CFAP299: variants seen among roughly 807,000 people sequenced by gnomAD.
The protein encoded by CFAP299 is cilia- and flagella-associated protein 299.
In CFAP299, 21 loss-of-function variants were observed where a neutral mutation model predicts 27.0. The ratio of observed to expected loss-of-function variants is 0.78; its 90% CI spans 0.55 to 1.12. CFAP299 has a LOEUF of 1.12. Among genes scored for constraint, CFAP299 ranks in the 50% most tolerant of loss-of-function variants. The probability of loss-of-function intolerance (pLI) is 0.00; values close to 1 mark genes in which losing one functional copy is unlikely to be tolerated. For missense variants in CFAP299, 310 were observed against 276.6 expected, an observed-to-expected ratio of 1.12 and a Z score of -0.86; for synonymous variants, 104 against 98.1, an observed-to-expected ratio of 1.06 and a Z score of -0.36.
At chr4:80,866,060 TA>T (rs1732715352) in intron 3 of CFAP299, among the ~76,000 whole-genome samples, 80 of 5,434 alleles carry the variant, frequency 0.015, 2 homozygotes, top group African/African-American at 0.089. Flanking sequence ...CTTAAAGTAT[TA>T]TATATATATA....
chr4:80,545,566 A>G (rs899519845), intron 2 of CFAP299, among the ~76,000 whole-genome samples: 1 of 152,204 alleles, frequency 6.6e-6, no homozygotes, highest in Non-Finnish European at 1.5e-5. Context: ...AAAATCCTGA[A>G]CAGACCAATA....
At chr4:80,685,217 A>T (rs927062967) in intron 3 of CFAP299, among the ~76,000 whole-genome samples, 5 of 152,170 alleles carry the variant, frequency 3.3e-5, no homozygotes, top group African/African-American at 1.2e-4. Flanking sequence ...TTCATTACTT[A>T]TTCTAAGAAG....
rs1464880558 is a variant in CFAP299 at position 80,854,493 on chromosome 4, G to A, written c.334-15500G>A. On this transcript the variant is annotated intron_variant, in intron 3 of 5. Transcript: ENST00000358105. ...TGAAAGTAACATGAGATGAAATGAG[G>A]TCAAATGCACAAAAAGAGAGACTGG... Among the ~76,000 whole-genome samples, 4 of 151,620 alleles carry A rather than the reference G, an allele frequency of 2.6e-5. No homozygotes were observed. The East Asian group carries it at 5.8e-4, about 22-fold the overall frequency.
Position 80,800,524 on chromosome 4 carries a change from A to T in CFAP299, c.334-69469A>T, listed in dbSNP as rs28804451. On this transcript the variant is annotated intron_variant, in intron 3 of 5. Transcript: ENST00000358105. ...ATATATTATATAATATATAATATATAATATATTATATAATATATAATATAT... is the reference window on the plus strand; with the variant it reads ...ATATATTATATAATATATAATATATTATATATTATATAATATATAATATAT... Among the ~76,000 whole-genome samples the T allele has an allele frequency of 4.7e-3, 53 of 11,396 alleles. 1 individual carries two copies. The highest frequency in any genetic ancestry group is 0.024 in the East Asian group (3 of 126). The allele number at this position is 11,396 out of a possible 152,430, so 7.5% of individuals were successfully genotyped here.
intron 3 of CFAP299, among the ~76,000 whole-genome samples, chr4:80,820,107 G>C (rs577483920): frequency 6.6e-6 from 1 of 152,070 alleles, no homozygotes. Context: ...ATACTATGTA[G>C]ATTTGTATAT....
chr4:80,450,204 T>G (rs1252598298), intron 2 of CFAP299, among the ~76,000 whole-genome samples: 1 of 152,158 alleles, frequency 6.6e-6, no homozygotes, highest in Non-Finnish European at 1.5e-5. Context: ...CTGCGAACTG[T>G]TAATTTTACC....
At chr4:80,473,789 A>G (rs535845453) in intron 2 of CFAP299, among the ~76,000 whole-genome samples, 1 of 152,088 alleles carries the variant, frequency 6.6e-6, no homozygotes, top group African/African-American at 2.4e-5. Context: ...ACAGGATCTC[A>G]CTGTGTTTTC....
chr4:80,392,666 G>A (rs55912262), intron 2 of CFAP299, among the ~76,000 whole-genome samples: 34,311 of 151,930 alleles, frequency 0.23, 3,998 homozygotes, highest in South Asian at 0.3. Flanking sequence ...GCCACGCTGA[G>A]CTGTGAGTCA....
At chr4:80,686,849 T>G (rs1441980828) in intron 3 of CFAP299, among the ~76,000 whole-genome samples, 1 of 152,208 alleles carries the variant, frequency 6.6e-6, no homozygotes, top group Non-Finnish European at 1.5e-5. Flanking sequence ...ATAACATTTC[T>G]GTTCCTTCCT....
At chr4:80,701,722 CT>C (rs1303013075) in intron 3 of CFAP299, among the ~76,000 whole-genome samples, 3 of 151,844 alleles carry the variant, frequency 2.0e-5, no homozygotes, top group South Asian at 2.1e-4. Flanking sequence ...TTCCTTCTTG[CT>C]TTTAGCACTG....
intron 3 of CFAP299, among the ~76,000 whole-genome samples, chr4:80,846,507 G>A (rs890434630): frequency 6.6e-6 from 1 of 151,978 alleles, no homozygotes; most frequent in African/African-American, 2.4e-5. Flanking sequence ...GATACAGATG[G>A]GTTTTTAAAT....
intron 2 of CFAP299, among the ~76,000 whole-genome samples, chr4:80,397,476 G>T (rs1399382853): frequency 2.0e-5 from 3 of 151,800 alleles, no homozygotes; most frequent in Non-Finnish European, 2.9e-5. Context: ...GTGATGTTAG[G>T]GTGTCAAATT....
chr4:80,385,475 T>C lies in CFAP299; in HGVS notation c.242+22591T>C, dbSNP rs142182147. On this transcript the variant is annotated intron_variant, in intron 2 of 5. Coordinates refer to ENST00000358105, the MANE Select transcript of CFAP299 (RefSeq NM_152770.3). Reference sequence around the variant, plus strand: ...TTTTTTTTAATGACAACAACATTTATTGAGCAAGCCCCTGGCATATTTCAT... The same window carrying C: ...TTTTTTTTAATGACAACAACATTTACTGAGCAAGCCCCTGGCATATTTCAT... Among the ~76,000 whole-genome samples the C allele has an allele frequency of 1.6e-4, 24 of 152,260 alleles. No individual in the cohort carries two copies. The East Asian group carries it at 4.6e-3, about 29-fold the overall frequency.
Position 80,583,133 on chromosome 4 carries a change from C to G in CFAP299, c.283C>G (p.Leu95Val). ...SAGKDLQDNF[L>V]TALAMREEDN... ...TGGTAAAGACCTACAAGATAATTTT[C>G]TGACGGCCCTGGCAATGAGAGAAGA... The change falls in exon 3 of 6, where the codon CTG becomes GTG. Residue 95 changes from leucine (L) to valine (V), a missense_variant. By Grantham distance (32) the Leu-to-Val change is conservative. Transcript: ENST00000358105. 6.2e-7 allele frequency: 1 copy of G among 1,605,946 alleles called. No homozygotes were observed. Among genetic ancestry groups the G allele is most frequent in the Non-Finnish European group, 8.5e-7 (1 of 1,174,812 alleles).
At chr4:80,569,265 G>A (rs1053122137) in intron 2 of CFAP299, among the ~76,000 whole-genome samples, 3 of 152,212 alleles carry the variant, frequency 2.0e-5, no homozygotes, top group Admixed American at 6.6e-5. Context: ...ATGTGAACAG[G>A]GAGGAATAAA....
intron 3 of CFAP299, among the ~76,000 whole-genome samples, chr4:80,809,372 A>G (rs568429067): frequency 2.0e-5 from 3 of 152,282 alleles, no homozygotes; most frequent in South Asian, 2.1e-4. Context: ...ACTTTTAAGT[A>G]AGTAAATTTT....
chr4:80,355,703 A>T (rs1723241193), intron 1 of CFAP299, among the ~76,000 whole-genome samples: 1 of 151,954 alleles, frequency 6.6e-6, no homozygotes, highest in Admixed American at 6.5e-5. Flanking sequence ...CCTCTGTTGG[A>T]TGCATAATTT....
At chr4:80,577,397 ATTTTTTTTT>A (rs34922224) in intron 2 of CFAP299, among the ~76,000 whole-genome samples, 5 of 98,824 alleles carry the variant, frequency 5.1e-5, no homozygotes, top group African/African-American at 2.1e-4. Context: ...ATTAGAAAAC[ATTTTTTTTT>A]TTTTTTTTTT....
chr4:80,921,880 A>T (rs548214578), intron 4 of CFAP299, among the ~76,000 whole-genome samples: 1 of 151,914 alleles, frequency 6.6e-6, no homozygotes, highest in Non-Finnish European at 1.5e-5. Flanking sequence ...AATGAATGAA[A>T]ATGGGATATG....
Sources: allele counts gnomAD v4.1 joint callset (sites outside exome capture counted in the v4.1 genomes callset), GRCh38; gene constraint gnomAD v4.1.1; transcripts MANE v1.5; gene names NCBI Gene and HGNC (gene_info 2026-07-23, HGNC 2026-07-21).